The following SNX25 variants were observed in gnomAD, a reference collection of about 807,000 sequenced individuals.
SNX25 encodes the protein sorting nexin 25, also known as sorting nexin-25.
A neutral mutation model predicts 113.7 loss-of-function variants in SNX25; 62 were observed. The ratio of observed to expected loss-of-function variants is 0.55; its 90% CI spans 0.44 to 0.67. SNX25 has a LOEUF of 0.67. Among genes scored for constraint, SNX25 ranks in the 30% least tolerant of loss-of-function variants. SNX25 has a pLI of 0.00. For synonymous variants in SNX25, 421 were observed against 436.2 expected (o/e 0.97, Z 0.43); for missense variants, 1,014 against 1,161.0 (o/e 0.87, Z 1.84).
At chr4:185,375,001 A>T (rs1054490496), downstream of SNX25, among the ~76,000 whole-genome samples, 37 of 152,124 alleles carry the variant, frequency 2.4e-4, no homozygotes, top group African/African-American at 8.9e-4. Flanking sequence ...AGCATAGAAG[A>T]TATTCTAACC....
chr4:185,210,192 G>T lies in SNX25; in HGVS notation c.366G>T (p.Pro122=). 2.0e-5 allele frequency: 20 copies of T among 984,780 alleles called. No individual in the cohort carries two copies. The highest frequency in any genetic ancestry group is 2.4e-5 in the Non-Finnish European group (20 of 830,146). 61.0% of individuals were successfully genotyped at this position (984,780 alleles called of 1,614,324 possible). A position where few individuals can be genotyped will look rare whatever the true frequency, so the allele number is the denominator to read the frequency against. ...TCTGCCGGAGCCCGCGCGCCCAGCC[G>T]CCCGACTTCGCCGCCGCCTGGAGCC... The part of the protein sequence containing the change: ...ALVCRSPRAQ[P]PDFAAAWSRL... Residue 122 remains proline, a synonymous_variant, in exon 1 of 19, where the codon CCG becomes CCT. Coordinates refer to ENST00000652585, the MANE Select transcript of SNX25 (RefSeq NM_001378034.2). The surrounding 1 kb of genome is among the most constrained non-coding windows in gnomAD (Gnocchi z 4.4).
chr4:185,276,224 G>T lies in SNX25; in HGVS notation c.1091+9069G>T, dbSNP rs571748683. 6.6e-5 allele frequency among the ~76,000 whole-genome samples: 10 copies of T among 152,218 alleles called. No individual in the cohort carries two copies. In the East Asian group the frequency reaches 1.9e-3, roughly 29 times the overall value. The stretch of plus-strand genomic sequence containing the variant: ...ATATCTGCTTTATGAATGAGTAAGG[G>T]TGAGTCAGTTTATATAAAGTACTTA... On this transcript the variant is annotated intron_variant, in intron 5 of 18. Coordinates refer to ENST00000652585, the MANE Select transcript of SNX25 (RefSeq NM_001378034.2).
intron 6 of SNX25, among the ~76,000 whole-genome samples, chr4:185,294,296 A>AG (rs1752567639): frequency 6.6e-6 from 1 of 152,134 alleles, no homozygotes; most frequent in Non-Finnish European, 1.5e-5. Context: ...TAAAAGAAAA[A>AG]GCCCTAGCAC....
downstream of SNX25, chr4:185,366,275 T>C (rs1205351647): frequency 4.6e-5 from 7 of 152,266 alleles, no homozygotes; most frequent in East Asian, 1.3e-3. Flanking sequence ...ATTGTAGTTC[T>C]TGTAAATGAT....
chr4:185,374,199 C>A, downstream of SNX25: 3 of 1,614,210 alleles, frequency 1.9e-6, no homozygotes, highest in Non-Finnish European at 2.5e-6. Flanking sequence ...AGCCTTCACA[C>A]TAGCTTTGGG....
At chr4:185,216,152 T>G (rs1277373876) in intron 1 of SNX25, among the ~76,000 whole-genome samples, 2 of 152,154 alleles carry the variant, frequency 1.3e-5, no homozygotes, top group African/African-American at 2.4e-5. Context: ...TCATATGATT[T>G]TAAAAAAAGT....
intron 1 of SNX25, among the ~76,000 whole-genome samples, chr4:185,227,536 C>G (rs754278824): frequency 2.0e-5 from 3 of 152,216 alleles, no homozygotes; most frequent in Admixed American, 6.5e-5. Flanking sequence ...AGGTCCAGCT[C>G]AATTGCCCTT....
chr4:185,316,932 A>G (rs1226466725), intron 7 of SNX25, among the ~76,000 whole-genome samples: 1 of 152,234 alleles, frequency 6.6e-6, no homozygotes, highest in African/African-American at 2.4e-5. Flanking sequence ...CTAACTAAAT[A>G]TTATTGGTCT....
chr4:185,267,974 C>G (rs1186370160), intron 5 of SNX25, among the ~76,000 whole-genome samples: 1 of 152,154 alleles, frequency 6.6e-6, no homozygotes, highest in African/African-American at 2.4e-5. Flanking sequence ...ATCCTCATCT[C>G]TTCACATGGA....
At chr4:185,302,574 G>T (rs1303634473) in intron 6 of SNX25, among the ~76,000 whole-genome samples, 1 of 152,336 alleles carries the variant, frequency 6.6e-6, no homozygotes, top group East Asian at 1.9e-4. Flanking sequence ...TGCAGTTGGA[G>T]TTGGGTTTTC....
chr4:185,267,369 G>A (rs1052578516), intron 5 of SNX25, among the ~76,000 whole-genome samples: 1 of 151,970 alleles, frequency 6.6e-6, no homozygotes, highest in Admixed American at 6.6e-5. Flanking sequence ...AAATACAGTT[G>A]ACTCGAACAA....
At chr4:185,216,323 A>G (rs1474953176) in intron 1 of SNX25, among the ~76,000 whole-genome samples, 2 of 152,174 alleles carry the variant, frequency 1.3e-5, no homozygotes, top group Non-Finnish European at 2.9e-5. Context: ...GTGAACAGTG[A>G]TTACACATAA....
At chr4:185,303,291 T>C (rs1753967193) in intron 6 of SNX25, among the ~76,000 whole-genome samples, 1 of 152,124 alleles carries the variant, frequency 6.6e-6, no homozygotes, top group African/African-American at 2.4e-5. Context: ...GCTATATTAT[T>C]CCTTTAAAAA....
chr4:185,321,781 G>T (rs921338193), intron 8 of SNX25, among the ~76,000 whole-genome samples: 16 of 151,832 alleles, frequency 1.1e-4, no homozygotes, highest in Non-Finnish European at 4.4e-5. Flanking sequence ...ATATTTGGGG[G>T]GAAAAAAACT....
intron 2 of SNX25, among the ~76,000 whole-genome samples, chr4:185,248,075 T>C (rs2126488129): frequency 6.6e-6 from 1 of 152,296 alleles, no homozygotes; most frequent in Admixed American, 6.5e-5. Flanking sequence ...TATGTACATA[T>C]ATGTGTTTTA....
rs1747948776 is a variant in SNX25, at chr4:185,265,565, ACT to A, written c.904+956_904+957del. Among the ~76,000 whole-genome samples, 30 of 124,120 alleles carry A rather than the reference ACT, an allele frequency of 2.4e-4. No homozygotes were observed. The South Asian group carries it at 7.9e-3, about 33-fold the overall frequency. 81.4% of individuals were successfully genotyped at this position (124,120 alleles called of 152,430 possible). On this transcript the variant is annotated intron_variant, in intron 4 of 18. Coordinates refer to ENST00000652585, the MANE Select transcript of SNX25 (RefSeq NM_001378034.2). ...AGTGACTGTGAAGGCCTAGGACATG[ACT>A]GTGCACCACTGCAGACTTCATAAAC...
At chr4:185,342,676 A>G (rs1184422376) in intron 12 of SNX25, among the ~76,000 whole-genome samples, 2 of 149,564 alleles carry the variant, frequency 1.3e-5, no homozygotes, top group Non-Finnish European at 3.0e-5. Flanking sequence ...TACACAAGGG[A>G]GGCATTAAGG....
At chr4:185,272,862 C>T (rs780123744) in intron 5 of SNX25, among the ~76,000 whole-genome samples, 1 of 152,158 alleles carries the variant, frequency 6.6e-6, no homozygotes, top group Non-Finnish European at 1.5e-5. Context: ...CACTGACCTT[C>T]CTGAGAGACA....
chr4:185,375,858 A>G, the SNX25 span: 28,553 of 493,030 alleles, frequency 0.058, 1,147 homozygotes, highest in African/African-American at 0.13. Context: ...ATCTGAACCC[A>G]TGCCCCACGC....
Sources: gnomAD v4.1 joint callset for allele counts (sites outside exome capture counted in the v4.1 genomes callset) on GRCh38, gnomAD v4.1.1 for gene constraint, Gnocchi (gnomAD v3.1) non-coding constraint, MANE v1.5 for transcripts, NCBI Gene and HGNC (gene_info 2026-07-23, HGNC 2026-07-21) for gene names.